CSMD1: variants seen among roughly 807,000 people sequenced by gnomAD.
The protein encoded by CSMD1 is CUB and sushi domain-containing protein 1.
A neutral mutation model predicts 417.5 loss-of-function variants in CSMD1; 213 were observed. The observed-to-expected ratio is 0.51, with a 90% CI of 0.46 to 0.57. The LOEUF (loss-of-function observed/expected upper bound fraction) is 0.57, where lower values mean the gene tolerates loss of function less well. CSMD1 is among the 20% of genes least tolerant of loss of function. The pLI is 0.00. For synonymous variants in CSMD1, 2,862 were observed against 1,736.8 expected, an observed-to-expected ratio of 1.65 and a Z score of -16.11; for missense variants, 6,923 against 4,529.7, an observed-to-expected ratio of 1.53 and a Z score of -15.17.
chr8:4,139,439 ACT>A lies in CSMD1; in HGVS notation c.416-107342_416-107341del, dbSNP rs977381931. 1.5e-4 allele frequency among the ~76,000 whole-genome samples: 22 copies of A among 151,510 alleles called. 1 individual carries two copies. The highest frequency in any genetic ancestry group is 2.8e-4 in the Non-Finnish European group (19 of 68,020). On this transcript the variant is annotated intron_variant, in intron 3 of 69. Coordinates refer to ENST00000635120, the MANE Select transcript of CSMD1 (RefSeq NM_033225.6). Reference sequence around the variant, plus strand: ...CACTGGAGGTAAAGAACGAAGGAAGACTCTATGCCTGCCCTGGAGGCGTGGAC... The same window carrying A: ...CACTGGAGGTAAAGAACGAAGGAAGACTATGCCTGCCCTGGAGGCGTGGAC...
chr8:4,341,101 T>A (rs375391964), intron 3 of CSMD1, among the ~76,000 whole-genome samples: 48 of 152,200 alleles, frequency 3.2e-4, no homozygotes, highest in South Asian at 1.2e-3. Context: ...AATAGAGATA[T>A]CTCATTTCCA....
At chr8:4,846,833 T>C (rs1014219701) in intron 1 of CSMD1, among the ~76,000 whole-genome samples, 8 of 152,210 alleles carry the variant, frequency 5.3e-5, no homozygotes, top group African/African-American at 9.6e-5. Flanking sequence ...GGCATATATA[T>C]GCGTATATTT....
At chr8:3,925,728 T>C (rs1263373540) in intron 5 of CSMD1, among the ~76,000 whole-genome samples, 7 of 152,222 alleles carry the variant, frequency 4.6e-5, no homozygotes, top group East Asian at 1.9e-4. Context: ...CCCGCCATGA[T>C]TCTGAGGCCT....
chr8:4,051,636 A>C (rs1427438077), intron 3 of CSMD1, among the ~76,000 whole-genome samples: 18 of 152,122 alleles, frequency 1.2e-4, no homozygotes, highest in Admixed American at 1.2e-3. Flanking sequence ...GGGCCCTAGA[A>C]AACTATGATA....
At chr8:3,226,944 AAAG>A (rs1798540211) in intron 27 of CSMD1, among the ~76,000 whole-genome samples, 1 of 152,168 alleles carries the variant, frequency 6.6e-6, no homozygotes, top group African/African-American at 2.4e-5. Context: ...ATGAAAAAAA[AAAG>A]TTCGACCTTA....
intron 3 of CSMD1, among the ~76,000 whole-genome samples, chr8:4,115,115 T>C (rs1392815533): frequency 1.3e-5 from 2 of 152,164 alleles, no homozygotes; most frequent in Admixed American, 6.5e-5. Context: ...AAATCTTTCA[T>C]GAAAAAAAGT....
intron 39 of CSMD1, among the ~76,000 whole-genome samples, chr8:3,156,815 C>A (rs570367281): frequency 1.4e-4 from 21 of 151,612 alleles, no homozygotes; most frequent in Admixed American, 7.9e-4. Context: ...GTTAGGATTC[C>A]ATGGAGACGA....
rs183587342 is a variant in CSMD1, at chr8:3,908,112, G to C, written c.818+89791C>G. 2.1e-3 allele frequency among the ~76,000 whole-genome samples: 325 copies of C among 152,214 alleles called. 10 individuals carry two copies. Among genetic ancestry groups the C allele is most frequent in the Non-Finnish European group, 2.1e-4 (14 of 68,012 alleles). ...CCCTAATGTCTGTTGAGGCTTTATG[G>C]AGCCCCTCTGAGAATAACAAATACA... On this transcript the variant is annotated intron_variant, in intron 5 of 69. Coordinates refer to ENST00000635120, the MANE Select transcript of CSMD1 (RefSeq NM_033225.6).
chr8:4,716,437 T>C (rs1027676944), intron 1 of CSMD1, among the ~76,000 whole-genome samples: 5 of 152,218 alleles, frequency 3.3e-5, no homozygotes, highest in Non-Finnish European at 5.9e-5. Context: ...ACATCAAGAT[T>C]AATATCTGAA....
chr8:3,867,712 G>T (rs1805198787), intron 5 of CSMD1, among the ~76,000 whole-genome samples: 1 of 152,120 alleles, frequency 6.6e-6, no homozygotes, highest in Non-Finnish European at 1.5e-5. Context: ...TCATGCAGTT[G>T]TTAATAATAA....
chr8:3,975,345 C>T (rs189096603), intron 5 of CSMD1, among the ~76,000 whole-genome samples: 1 of 152,088 alleles, frequency 6.6e-6, no homozygotes, highest in African/African-American at 2.4e-5. Flanking sequence ...TGGACATGAA[C>T]TGCAATATAA....
intron 7 of CSMD1, among the ~76,000 whole-genome samples, chr8:3,632,660 A>G (rs886296906): frequency 6.6e-6 from 1 of 152,208 alleles, no homozygotes; most frequent in African/African-American, 2.4e-5. Context: ...TAATTAAATA[A>G]CTGTCACCCT....
chr8:4,873,580 C>G (rs1380124132), intron 1 of CSMD1, among the ~76,000 whole-genome samples: 1 of 152,070 alleles, frequency 6.6e-6, no homozygotes, highest in Non-Finnish European at 1.5e-5. Flanking sequence ...TGACAAGAAA[C>G]AATTCAACTT....
chr8:3,300,917 C>T (rs1331155817), intron 25 of CSMD1, among the ~76,000 whole-genome samples: 2 of 141,334 alleles, frequency 1.4e-5, no homozygotes, highest in African/African-American at 2.6e-5. Context: ...CAGGATTGCG[C>T]CACCGCACTC....
intron 3 of CSMD1, among the ~76,000 whole-genome samples, chr8:4,090,746 A>T (rs552618760): frequency 1.4e-3 from 217 of 152,218 alleles, no homozygotes; most frequent in Non-Finnish European, 2.6e-3. Context: ...AAACCAACAC[A>T]TATAAAAATT....
chr8:4,656,086 C>G (rs913445846), intron 1 of CSMD1, among the ~76,000 whole-genome samples: 1 of 151,952 alleles, frequency 6.6e-6, no homozygotes, highest in African/African-American at 2.4e-5. Context: ...ATGGGAAAGA[C>G]AATGCTAGTC....
chr8:3,282,292 C>T (rs1802799776), intron 26 of CSMD1, among the ~76,000 whole-genome samples: 1 of 152,052 alleles, frequency 6.6e-6, no homozygotes, highest in Admixed American at 6.6e-5. Context: ...AGGGAGGAGG[C>T]TGTGTGCTGT....
At chr8:4,941,044 T>C (rs1703441498) in intron 1 of CSMD1, among the ~76,000 whole-genome samples, 1 of 152,228 alleles carries the variant, frequency 6.6e-6, no homozygotes, top group Non-Finnish European at 1.5e-5. Context: ...TTCATTTCTG[T>C]TATTATTTTT....
chr8:3,753,306 A>G (rs1178043452), intron 6 of CSMD1, among the ~76,000 whole-genome samples: 1 of 152,208 alleles, frequency 6.6e-6, no homozygotes, highest in Non-Finnish European at 1.5e-5. Flanking sequence ...CTGTGTTAAT[A>G]AGGATTACTC....
Sources: allele counts gnomAD v4.1 joint callset (sites outside exome capture counted in the v4.1 genomes callset), GRCh38; gene constraint gnomAD v4.1.1; transcripts MANE v1.5; gene names NCBI Gene and HGNC (gene_info 2026-07-23, HGNC 2026-07-21).